The following SPMIP2 variants were observed in gnomAD, a reference collection of about 807,000 sequenced individuals.
The protein encoded by SPMIP2 is protein SPMIP2.
the SPMIP2 span, chr4:158,915,114 T>C: frequency 6.9e-7 from 1 of 1,447,072 alleles, no homozygotes; most frequent in Non-Finnish European, 9.4e-7. Context: ...CCCTGATTTA[T>C]ATGTTAAAGC....
At chr4:159,075,911 A>AG in the SPMIP2 span, among the ~76,000 whole-genome samples, 1 of 152,088 alleles carries the variant, frequency 6.6e-6, no homozygotes, top group African/African-American at 2.4e-5. Context: ...CATTTACAGC[A>AG]GAAAAAAAAC....
At chr4:159,063,423 G>A in the SPMIP2 span, among the ~76,000 whole-genome samples, 2 of 152,116 alleles carry the variant, frequency 1.3e-5, no homozygotes, top group African/African-American at 4.8e-5. Context: ...GGTGGCACAT[G>A]CCTGTGGTCC....
At chr4:159,044,840 C>T in the SPMIP2 span, among the ~76,000 whole-genome samples, 1 of 152,198 alleles carries the variant, frequency 6.6e-6, no homozygotes, top group Non-Finnish European at 1.5e-5. Flanking sequence ...GCCTATGATC[C>T]CAGCACTTTG....
At chr4:158,974,416 G>A in the SPMIP2 span, among the ~76,000 whole-genome samples, 5 of 151,992 alleles carry the variant, frequency 3.3e-5, no homozygotes, top group Admixed American at 1.3e-4. Context: ...CCATCAACCC[G>A]TCATCTACAT....
the SPMIP2 span, among the ~76,000 whole-genome samples, chr4:159,044,577 G>C: frequency 2.6e-5 from 4 of 151,954 alleles, no homozygotes; most frequent in Non-Finnish European, 2.9e-5. Context: ...GGAACTGGGG[G>C]AAAAACAGCA....
At chr4:158,994,832 A>G in the SPMIP2 span, among the ~76,000 whole-genome samples, 2 of 152,214 alleles carry the variant, frequency 1.3e-5, no homozygotes, top group African/African-American at 4.8e-5. Flanking sequence ...GCTAGAGATT[A>G]ATTACTACAA....
At chr4:158,935,983 C>T in the SPMIP2 span, among the ~76,000 whole-genome samples, 2 of 152,174 alleles carry the variant, frequency 1.3e-5, no homozygotes, top group Non-Finnish European at 2.9e-5. Context: ...TTTTGATTCA[C>T]GACCAAACAA....
At chr4:158,895,376 CA>C in the SPMIP2 span, among the ~76,000 whole-genome samples, 1 of 152,090 alleles carries the variant, frequency 6.6e-6, no homozygotes, top group Non-Finnish European at 1.5e-5. Context: ...TGTAAATTCA[CA>C]TTCTCAATAT....
chr4:158,951,222 C>T, the SPMIP2 span, among the ~76,000 whole-genome samples: 24 of 152,308 alleles, frequency 1.6e-4, no homozygotes, highest in African/African-American at 4.8e-4. Context: ...CATCACTTAA[C>T]GGGACATGTC....
chr4:159,026,952 T>G, the SPMIP2 span, among the ~76,000 whole-genome samples: 20 of 151,272 alleles, frequency 1.3e-4, no homozygotes, highest in African/African-American at 4.8e-4. Flanking sequence ...TCCTTAGAAG[T>G]CCTCTTCTAA....
the SPMIP2 span, among the ~76,000 whole-genome samples, chr4:158,975,772 G>A: frequency 6.6e-6 from 1 of 152,150 alleles, no homozygotes; most frequent in African/African-American, 2.4e-5. Context: ...GATGGTCTTG[G>A]CTATGTGGGC....
At chr4:158,960,384 TA>T in the SPMIP2 span, 1 of 1,233,756 alleles carries the variant, frequency 8.1e-7, no homozygotes. Flanking sequence ...AATTCCAAAG[TA>T]AAGAGGTGGC....
At chr4:158,970,659 T>C in the SPMIP2 span, among the ~76,000 whole-genome samples, 1 of 152,140 alleles carries the variant, frequency 6.6e-6, no homozygotes, top group African/African-American at 2.4e-5. Flanking sequence ...ATCTTAACTG[T>C]TAAGGAAATT....
At chr4:159,041,632 G>A in the SPMIP2 span, among the ~76,000 whole-genome samples, 1 of 152,180 alleles carries the variant, frequency 6.6e-6, no homozygotes, top group Non-Finnish European at 1.5e-5. Context: ...TCTCTATTCT[G>A]CCTTGTAAAA....
At chr4:158,979,789 G>GT in the SPMIP2 span, among the ~76,000 whole-genome samples, 33,472 of 100,492 alleles carry the variant, frequency 0.33, 6,745 homozygotes, top group East Asian at 0.39. Flanking sequence ...AGTTGCAAGA[G>GT]TTTTTTTTTT....
the SPMIP2 span, among the ~76,000 whole-genome samples, chr4:158,957,345 A>G: frequency 6.6e-6 from 1 of 152,212 alleles, no homozygotes; most frequent in Non-Finnish European, 1.5e-5. Context: ...GTCTGGCAGC[A>G]CAGGTTGTAA....
the SPMIP2 span, among the ~76,000 whole-genome samples, chr4:159,077,720 G>A: frequency 2.0e-5 from 3 of 152,092 alleles, no homozygotes; most frequent in South Asian, 2.1e-4. Flanking sequence ...AATTCATTTC[G>A]AACTCAGTGT....
chr4:158,917,706 A>T, the SPMIP2 span, among the ~76,000 whole-genome samples: 1 of 141,038 alleles, frequency 7.1e-6, no homozygotes, highest in African/African-American at 2.6e-5. Context: ...TTCTCCTTTA[A>T]TAGCACTATT....
chr4:158,904,517 T>C, the SPMIP2 span: 2 of 1,613,298 alleles, frequency 1.2e-6, no homozygotes, highest in East Asian at 2.2e-5. Context: ...GTACTCATTC[T>C]CCTTATGTGG....
Sources: allele counts gnomAD v4.1 joint callset (sites outside exome capture counted in the v4.1 genomes callset), GRCh38; gene constraint gnomAD v4.1.1; transcripts MANE v1.5; gene names NCBI Gene and HGNC (gene_info 2026-07-23, HGNC 2026-07-21).